MAP1LC3B2: variants seen among roughly 807,000 people sequenced by gnomAD.
MAP1LC3B2 encodes microtubule associated protein 1 light chain 3 beta 2, also known as microtubule-associated protein 1 light chain 3 beta 2.
For missense variants in MAP1LC3B2, 155 were observed against 154.6 expected (o/e 1.00, Z -0.01); for synonymous variants, 62 against 57.8 (o/e 1.07, Z -0.33).
intron 1 of MAP1LC3B2, among the ~76,000 whole-genome samples, chr12:116,571,368 A>G (rs1398271093): frequency 1.3e-5 from 2 of 148,760 alleles, no homozygotes; most frequent in East Asian, 2.2e-4. Context: ...ACCTTGGGGC[A>G]GTCTCAAAAT....
intron 1 of MAP1LC3B2, among the ~76,000 whole-genome samples, chr12:116,569,084 G>A (rs1252392049): frequency 6.6e-6 from 1 of 151,810 alleles, no homozygotes; most frequent in Non-Finnish European, 1.5e-5. Flanking sequence ...GGATGGTCTC[G>A]ATCTCCTGAC....
At chr12:116,573,722 G>A (rs1435460199) in intron 1 of MAP1LC3B2, among the ~76,000 whole-genome samples, 4 of 152,070 alleles carry the variant, frequency 2.6e-5, no homozygotes, top group Non-Finnish European at 5.9e-5. Context: ...TCACCATGTT[G>A]GCCAGGCTGG....
intron 1 of MAP1LC3B2, chr12:116,560,188 C>CTATTA (rs1869217232): frequency 1.1e-5 from 1 of 88,444 alleles, no homozygotes; most frequent in Admixed American, 1.1e-4. Flanking sequence ...CTAAGTTTGG[C>CTATTA]TATATATATA....
intron 1 of MAP1LC3B2, among the ~76,000 whole-genome samples, chr12:116,561,208 G>A (rs1205775521): frequency 1.3e-5 from 2 of 151,978 alleles, no homozygotes; most frequent in Non-Finnish European, 2.9e-5. Context: ...CCAGAAGTTC[G>A]AGGCTGCAGT....
rs1592870841 is a variant in MAP1LC3B2 at position 116,576,272 on chromosome 12, C to T, written c.330C>T (p.Tyr110=). Reference sequence around the variant, plus strand: ...AGAAAGATGAAGATGGATTCCTGTACATGGTCTGTGCCTCCCAGGAGACGT... The same window carrying T: ...AGAAAGATGAAGATGGATTCCTGTATATGGTCTGTGCCTCCCAGGAGACGT... ...ESEKDEDGFL[Y]MVCASQETFG... is the part of the protein sequence containing the mutation. The change falls in exon 2 of 2, where the codon TAC becomes TAT. Residue 110 remains tyrosine (Y), a synonymous_variant. Coordinates refer to ENST00000556529, the MANE Select transcript of MAP1LC3B2 (RefSeq NM_001085481.3). 2 of 1,614,090 alleles carry T rather than the reference C, an allele frequency of 1.2e-6. No individual in the cohort carries two copies. Among genetic ancestry groups the T allele is most frequent in the East Asian group, 4.5e-5 (2 of 44,882 alleles).
chr12:116,560,236 A>ATG (rs1869234412), intron 1 of MAP1LC3B2, among the ~76,000 whole-genome samples: 3 of 99,060 alleles, frequency 3.0e-5, no homozygotes, highest in African/African-American at 1.2e-4. Context: ...ATATATATAT[A>ATG]TATATGTATG....
At chr12:116,562,712 G>T (rs934095891) in intron 1 of MAP1LC3B2, among the ~76,000 whole-genome samples, 20 of 152,144 alleles carry the variant, frequency 1.3e-4, no homozygotes, top group Non-Finnish European at 4.4e-5. Context: ...ACAGATGTTG[G>T]CATTTTCTCA....
intron 1 of MAP1LC3B2, among the ~76,000 whole-genome samples, chr12:116,570,009 G>A (rs1002222283): frequency 3.3e-5 from 5 of 152,020 alleles, no homozygotes; most frequent in South Asian, 2.1e-4. Context: ...AGCCGAGATC[G>A]CGCCACTGCA....
chr12:116,576,135 A>G lies in MAP1LC3B2; in HGVS notation c.193A>G (p.Lys65Glu). ...PDHVNMSELI[K>E]IIRRRLQLNA... is the part of the protein sequence containing the mutation. The stretch of plus-strand genomic sequence containing the variant: ...CCATGTCAACATGAGTGAGCTCATC[A>G]AGATAATTAGAAGGCGCTTACAGCT... Residue 65 changes from lysine to glutamate, a missense_variant, in exon 2 of 2, where the codon AAG (lysine) becomes GAG (glutamate). By Grantham distance (56) the Lys-to-Glu change is moderately conservative. Coordinates refer to ENST00000556529, the MANE Select transcript of MAP1LC3B2 (RefSeq NM_001085481.3). 1 of 1,614,184 alleles carries G rather than the reference A, an allele frequency of 6.2e-7. No homozygotes were observed. The highest frequency in any genetic ancestry group is 8.5e-7 in the Non-Finnish European group (1 of 1,180,030).
intron 1 of MAP1LC3B2, among the ~76,000 whole-genome samples, chr12:116,559,649 TGGGAGGGGCCTTCCG>T (rs1281035782): frequency 2.0e-5 from 3 of 152,140 alleles, no homozygotes; most frequent in African/African-American, 7.2e-5. Context: ...GGGGGCATGT[TGGGAGGGGCCTTCCG>T]AAGGCCACAG....
intron 1 of MAP1LC3B2, among the ~76,000 whole-genome samples, chr12:116,560,443 C>T (rs1182462867): frequency 1.3e-5 from 2 of 151,622 alleles, no homozygotes; most frequent in Non-Finnish European, 2.9e-5. Context: ...GACGAGGTTT[C>T]GCCATGTTGG....
chr12:116,571,471 T>TC, intron 1 of MAP1LC3B2, among the ~76,000 whole-genome samples: 1 of 31,738 alleles, frequency 3.2e-5, no homozygotes. Context: ...TTTTTTTTTT[T>TC]TTTTTTTTTT....
intron 1 of MAP1LC3B2, among the ~76,000 whole-genome samples, chr12:116,559,657 G>A (rs1869200100): frequency 6.6e-6 from 1 of 152,198 alleles, no homozygotes; most frequent in African/African-American, 2.4e-5. Flanking sequence ...GTTGGGAGGG[G>A]CCTTCCGAAG....
chr12:116,575,872 G>T lies in MAP1LC3B2; in HGVS notation c.-71G>T. Reference sequence around the variant, plus strand: ...CACGGCCACAGTCGGATTCGCTGCCGCAGCAGCCGCCACCCCCAGGAGCCG... The same window carrying T: ...CACGGCCACAGTCGGATTCGCTGCCTCAGCAGCCGCCACCCCCAGGAGCCG... On this transcript the variant is annotated 5_prime_UTR_variant, in exon 2 of 2. Transcript: ENST00000556529. 1.9e-6 allele frequency: 3 copies of T among 1,590,468 alleles called. No individual in the cohort carries two copies. The South Asian group carries it at 3.3e-5, about 18-fold the overall frequency.
chr12:116,569,165 T>C (rs1869466285), intron 1 of MAP1LC3B2, among the ~76,000 whole-genome samples: 1 of 152,080 alleles, frequency 6.6e-6, no homozygotes. Context: ...CCCGGCCAAT[T>C]TCTTTTCTTT....
At chr12:116,566,344 G>C (rs1869384663) in intron 1 of MAP1LC3B2, among the ~76,000 whole-genome samples, 1 of 152,190 alleles carries the variant, frequency 6.6e-6, no homozygotes, top group South Asian at 2.1e-4. Flanking sequence ...CTGCAGGCTA[G>C]ATTATTAAGC....
chr12:116,567,070 G>A (rs1869408226), intron 1 of MAP1LC3B2, among the ~76,000 whole-genome samples: 1 of 148,752 alleles, frequency 6.7e-6, no homozygotes, highest in African/African-American at 2.5e-5. Flanking sequence ...AGAGGGAGGG[G>A]AAAGGACAAA....
intron 1 of MAP1LC3B2, among the ~76,000 whole-genome samples, chr12:116,571,732 C>A (rs886298269): frequency 3.3e-5 from 5 of 151,802 alleles, no homozygotes; most frequent in Non-Finnish European, 7.4e-5. Flanking sequence ...CCGCCTGTCT[C>A]GGCCGCCCAA....
At chr12:116,574,833 G>C (rs980022650) in intron 1 of MAP1LC3B2, among the ~76,000 whole-genome samples, 4 of 151,710 alleles carry the variant, frequency 2.6e-5, no homozygotes, top group Non-Finnish European at 5.9e-5. Context: ...TGGGATTACA[G>C]GCCTATATAT....
Sources: allele counts gnomAD v4.1 joint callset (sites outside exome capture counted in the v4.1 genomes callset), GRCh38; gene constraint gnomAD v4.1.1; transcripts MANE v1.5; gene names NCBI Gene and HGNC (gene_info 2026-07-23, HGNC 2026-07-21).